PTPRN2: variants seen among roughly 807,000 people sequenced by gnomAD.
PTPRN2 encodes the protein protein tyrosine phosphatase receptor type N2.
PTPRN2 carries 74 observed loss-of-function variants against 118.8 expected under a neutral mutation model. That is an observed-to-expected ratio of 0.62 (90% CI 0.52 to 0.76). The LOEUF is 0.76. Among genes scored for constraint, PTPRN2 ranks in the 30% least tolerant of loss-of-function variants. The probability of loss-of-function intolerance (pLI) is 0.00; values close to 1 mark genes in which losing one functional copy is unlikely to be tolerated. For missense variants in PTPRN2, 1,481 were observed against 1,394.4 expected (o/e 1.06, Z -0.99); for synonymous variants, 641 against 608.0 (o/e 1.05, Z -0.80).
chr7:157,731,882 T>C (rs377110459), intron 12 of PTPRN2, among the ~76,000 whole-genome samples: 2 of 46,984 alleles, frequency 4.3e-5, no homozygotes, highest in Admixed American at 2.9e-4. Flanking sequence ...TTCCGCCCCA[T>C]GCGCCCAGCA....
chr7:158,542,625 C>T (rs1300680528), intron 1 of PTPRN2, among the ~76,000 whole-genome samples: 1 of 152,212 alleles, frequency 6.6e-6, no homozygotes. Context: ...AGCGGAGCAA[C>T]GCTCAACCCA....
At chr7:158,304,390 CGTCAATATG>C (rs1563109237) in intron 3 of PTPRN2, among the ~76,000 whole-genome samples, 1 of 143,666 alleles carries the variant, frequency 7.0e-6, no homozygotes, top group African/African-American at 2.6e-5. Flanking sequence ...ATAAGACATC[CGTCAATATG>C]CTAAGACGTA....
chr7:158,316,106 C>T (rs568666051), intron 3 of PTPRN2, among the ~76,000 whole-genome samples: 4 of 152,294 alleles, frequency 2.6e-5, no homozygotes, highest in South Asian at 2.1e-4. Flanking sequence ...AGCCAGCCGC[C>T]GGGGGGCAGG....
chr7:157,878,272 A>G (rs1280696317), intron 12 of PTPRN2, among the ~76,000 whole-genome samples: 2 of 152,156 alleles, frequency 1.3e-5, no homozygotes, highest in Non-Finnish European at 2.9e-5. Flanking sequence ...AGGGGCTGGA[A>G]GGGTCAGTGT....
chr7:158,333,912 C>T (rs1805036691), intron 2 of PTPRN2, among the ~76,000 whole-genome samples: 1 of 143,426 alleles, frequency 7.0e-6, no homozygotes, highest in African/African-American at 2.6e-5. Context: ...GCAGACGTCA[C>T]TCACACCCAC....
chr7:158,471,455 C>T (rs1192398029), intron 2 of PTPRN2, among the ~76,000 whole-genome samples: 2 of 152,090 alleles, frequency 1.3e-5, no homozygotes, highest in South Asian at 2.1e-4. Flanking sequence ...TTTGGGAGGC[C>T]GACGCGGGTG....
chr7:158,558,709 G>A lies in PTPRN2; in HGVS notation c.112+28849C>T, dbSNP rs562383293. 9.8e-5 allele frequency among the ~76,000 whole-genome samples: 14 copies of A among 142,656 alleles called. No homozygotes were observed. In the East Asian group the frequency reaches 2.3e-3, roughly 24 times the overall value. 93.6% of individuals were successfully genotyped at this position (142,656 alleles called of 152,430 possible). ...GAGCAGGATTCTCCTCAGTATTCAC[G>A]CCAAGCCAGGCAGGTCCTTGCACCT... is the stretch of plus-strand genomic sequence containing the variant. On this transcript the variant is annotated intron_variant, in intron 1 of 22. Coordinates refer to ENST00000389418, the MANE Select transcript of PTPRN2 (RefSeq NM_002847.5).
rs539486687 is a variant in PTPRN2 at position 158,555,405 on chromosome 7, G to T, written c.112+32153C>A. 5.9e-5 allele frequency among the ~76,000 whole-genome samples: 9 copies of T among 152,094 alleles called. No individual in the cohort carries two copies. The South Asian group carries it at 1.9e-3, about 32-fold the overall frequency. ...CATCCACGGCTCAGTGGTGCCCCTCGCCCCCACCGCTCTGCCCTGCCTTCC... is the reference window on the plus strand; with the variant it reads ...CATCCACGGCTCAGTGGTGCCCCTCTCCCCCACCGCTCTGCCCTGCCTTCC... On this transcript the variant is annotated intron_variant, in intron 1 of 22. Transcript: ENST00000389418. The surrounding 1 kb of genome is among the most constrained non-coding windows in gnomAD (Gnocchi z 4.7).
chr7:158,367,091 GAC>G (rs1340793552), intron 2 of PTPRN2, among the ~76,000 whole-genome samples: 8 of 152,190 alleles, frequency 5.3e-5, no homozygotes, highest in African/African-American at 1.9e-4. Flanking sequence ...TGGAATGAGA[GAC>G]AAGCTCAGGA....
chr7:157,651,871 G>A (rs568098561), intron 14 of PTPRN2, among the ~76,000 whole-genome samples: 4 of 152,278 alleles, frequency 2.6e-5, no homozygotes, highest in African/African-American at 9.6e-5. Context: ...GAAATGTACC[G>A]GTTTCTTGAT....
At chr7:157,748,746 C>T (rs1459815065) in intron 12 of PTPRN2, among the ~76,000 whole-genome samples, 417 of 32,438 alleles carry the variant, frequency 0.013, no homozygotes, top group Admixed American at 0.034. Flanking sequence ...GTGGGCTGTC[C>T]GGGTGATTCT....
At chr7:157,992,272 T>C (rs1804308864) in intron 11 of PTPRN2, among the ~76,000 whole-genome samples, 1 of 152,232 alleles carries the variant, frequency 6.6e-6, no homozygotes, top group African/African-American at 2.4e-5. Flanking sequence ...CATTTAAACG[T>C]GATCAAAGAC....
chr7:158,026,887 T>C (rs1807314790), intron 11 of PTPRN2, among the ~76,000 whole-genome samples: 1 of 152,218 alleles, frequency 6.6e-6, no homozygotes, highest in African/African-American at 2.4e-5. Flanking sequence ...CACACAGCAG[T>C]GATGGTCCAG....
intron 11 of PTPRN2, among the ~76,000 whole-genome samples, chr7:157,952,163 A>G (rs1247057386): frequency 6.6e-6 from 1 of 152,164 alleles, no homozygotes; most frequent in African/African-American, 2.4e-5. Context: ...CTGGGCAGGG[A>G]GTCCAGGCCC....
intron 21 of PTPRN2, among the ~76,000 whole-genome samples, chr7:157,558,003 T>C (rs1309857080): frequency 1.3e-5 from 2 of 149,950 alleles, no homozygotes; most frequent in Non-Finnish European, 3.0e-5. Flanking sequence ...GACCATCCCA[T>C]AATACTGTTG....
Position 158,316,856 on chromosome 7 carries a change from C to T in PTPRN2, c.240G>A (p.Gln80=), listed in dbSNP as rs754578017. 2 of 1,610,712 alleles carry T rather than the reference C, an allele frequency of 1.2e-6. No homozygotes were observed. The highest frequency in any genetic ancestry group is 4.5e-5 in the East Asian group (2 of 44,876). The stretch of plus-strand genomic sequence containing the variant: ...GCTTCTGCAACGCCACGCGCAGGCG[C>T]TGCAGGGCCACGGGCGACACCTCGT... ...YRYEVSPVAL[Q]RLRVALQKLS... The change falls in exon 3 of 23, where the codon CAG becomes CAA. Residue 80 remains glutamine (Q), a synonymous_variant. Coordinates refer to ENST00000389418, the MANE Select transcript of PTPRN2 (RefSeq NM_002847.5).
chr7:158,386,408 A>C (rs1236553764), intron 2 of PTPRN2, among the ~76,000 whole-genome samples: 163 of 78,118 alleles, frequency 2.1e-3, no homozygotes, highest in East Asian at 4.2e-3. Flanking sequence ...TCCCATGCCC[A>C]GAGTCCCTCC....
chr7:158,181,468 G>A (rs1368418636), intron 5 of PTPRN2, among the ~76,000 whole-genome samples: 1 of 152,130 alleles, frequency 6.6e-6, no homozygotes, highest in African/African-American at 2.4e-5. Flanking sequence ...TAGTTAGGGA[G>A]GATTCTCTCT....
At chr7:158,254,553 C>A (rs1456868998) in intron 3 of PTPRN2, among the ~76,000 whole-genome samples, 1 of 13,976 alleles carries the variant, frequency 7.2e-5, no homozygotes, top group Non-Finnish European at 1.1e-4. Flanking sequence ...GACAGTGGCA[C>A]AGAGCCACTG....
Sources: allele counts gnomAD v4.1 joint callset (sites outside exome capture counted in the v4.1 genomes callset), GRCh38; gene constraint gnomAD v4.1.1; non-coding constraint Gnocchi (gnomAD v3.1); transcripts MANE v1.5; gene names NCBI Gene and HGNC (gene_info 2026-07-23, HGNC 2026-07-21).